PPP2R2B: variants seen among roughly 807,000 people sequenced by gnomAD.
The protein encoded by PPP2R2B is protein phosphatase 2 regulatory subunit Bbeta.
Under a neutral mutation model 46.0 loss-of-function variants are expected in PPP2R2B, and 5 were observed. The observed-to-expected ratio is 0.11, with a 90% CI of 0.06 to 0.23. The LOEUF is 0.23. Ranked by LOEUF, PPP2R2B falls within the 10% of genes least tolerant of loss-of-function variation. PPP2R2B has a pLI of 1.00. For missense variants in PPP2R2B, 367 were observed against 575.0 expected (o/e 0.64, Z 3.70); for synonymous variants, 215 against 206.7 (o/e 1.04, Z -0.34).
intron 2 of PPP2R2B, among the ~76,000 whole-genome samples, chr5:146,839,072 T>C (rs1424442275): frequency 6.6e-6 from 1 of 152,170 alleles, no homozygotes; most frequent in African/African-American, 2.4e-5. Context: ...AACTTCCAAT[T>C]AGAAGCTTGT....
chr5:146,819,234 T>C (rs1398538698), intron 2 of PPP2R2B, among the ~76,000 whole-genome samples: 1 of 152,250 alleles, frequency 6.6e-6, no homozygotes, highest in African/African-American at 2.4e-5. Context: ...CTCCTGCATC[T>C]TCTGTGTTGT....
chr5:146,884,677 G>A (rs1762267773), intron 1 of PPP2R2B, among the ~76,000 whole-genome samples: 1 of 152,138 alleles, frequency 6.6e-6, no homozygotes, highest in South Asian at 2.1e-4. Context: ...ACATCTTCTT[G>A]TACCTCTTAC....
intron 2 of PPP2R2B, among the ~76,000 whole-genome samples, chr5:146,771,704 G>A (rs1754865425): frequency 6.6e-6 from 1 of 152,152 alleles, no homozygotes; most frequent in Non-Finnish European, 1.5e-5. Flanking sequence ...TGACAGACAT[G>A]TGAGAAACTC....
chr5:146,992,691 A>G (rs1170537397), intron 1 of PPP2R2B, among the ~76,000 whole-genome samples: 1 of 152,164 alleles, frequency 6.6e-6, no homozygotes, highest in Admixed American at 6.5e-5. Flanking sequence ...ATTACAACAT[A>G]GTTGGGATAA....
intron 7 of PPP2R2B, among the ~76,000 whole-genome samples, chr5:146,626,448 G>A (rs968287323): frequency 1.2e-4 from 19 of 152,122 alleles, no homozygotes; most frequent in African/African-American, 4.3e-4. Flanking sequence ...TTTATAAATT[G>A]AAAAAATGGA....
chr5:146,990,817 G>C (rs1753665062), intron 1 of PPP2R2B, among the ~76,000 whole-genome samples: 2 of 151,720 alleles, frequency 1.3e-5, no homozygotes, highest in Admixed American at 1.3e-4. Context: ...ATCTGACAAT[G>C]GATTATTATT....
rs141374940 is a variant in PPP2R2B, at chr5:147,031,459, A to G, written c.79+24206T>C. 1.2e-4 allele frequency among the ~76,000 whole-genome samples: 17 copies of G among 141,702 alleles called. No individual in the cohort carries two copies. In the East Asian group the frequency reaches 3.3e-3, roughly 28 times the overall value. The allele number at this position is 141,702 out of a possible 152,430, so 93.0% of individuals were successfully genotyped here. On this transcript the variant is annotated intron_variant, in intron 1 of 8. Coordinates refer to the PPP2R2B transcript ENST00000336640. The stretch of plus-strand genomic sequence containing the variant: ...TGGTTTTCTTTTTAGCAGTTCTACT[A>G]TGATGTGTCTAGGCATTGCTTTTTT...
At chr5:146,707,289 C>G (rs1779922556) in intron 2 of PPP2R2B, 3 of 1,541,974 alleles carry the variant, frequency 1.9e-6, no homozygotes, top group African/African-American at 1.4e-5. Context: ...GGAACCGTAC[C>G]TTGTCGACGA....
chr5:147,000,324 C>A (rs138031452), intron 1 of PPP2R2B, among the ~76,000 whole-genome samples: 48 of 152,162 alleles, frequency 3.2e-4, no homozygotes, highest in African/African-American at 1.2e-3. Context: ...AACTAAATGA[C>A]CCTCTAAGGG....
intron 2 of PPP2R2B, among the ~76,000 whole-genome samples, chr5:146,854,593 A>G (rs1287696399): frequency 1.3e-5 from 2 of 152,170 alleles, no homozygotes; most frequent in Non-Finnish European, 2.9e-5. Context: ...CCAGATTCTA[A>G]TAGATTCAAT....
At chr5:147,041,634 TG>T (rs1352217407) in intron 1 of PPP2R2B, among the ~76,000 whole-genome samples, 1 of 152,060 alleles carries the variant, frequency 6.6e-6, no homozygotes, top group Non-Finnish European at 1.5e-5. Flanking sequence ...TAGAAGGCAC[TG>T]GGGTACTTCC....
At chr5:146,861,062 T>A (rs1485634452) in intron 2 of PPP2R2B, among the ~76,000 whole-genome samples, 10 of 147,504 alleles carry the variant, frequency 6.8e-5, no homozygotes, top group Non-Finnish European at 1.0e-4. Context: ...TTCTTTTTTT[T>A]TTTTTTTTTT....
Position 146,905,846 on chromosome 5 carries a change from G to A in PPP2R2B, c.79+149819C>T, listed in dbSNP as rs139713441. 1.4e-3 allele frequency among the ~76,000 whole-genome samples: 220 copies of A among 152,240 alleles called. 1 individual carries two copies. The highest frequency in any genetic ancestry group is 5.2e-3 in the African/African-American group (214 of 41,530). On this transcript the variant is annotated intron_variant, in intron 1 of 8. Coordinates refer to the PPP2R2B transcript ENST00000336640. ...TGCTAGTGCCCAGTGGTGGTAGGTT[G>A]GGATTGATTTCAAAATAGCAGGAGT...
At chr5:146,917,580 G>C (rs1763438147) in intron 1 of PPP2R2B, among the ~76,000 whole-genome samples, 1 of 152,230 alleles carries the variant, frequency 6.6e-6, no homozygotes, top group Non-Finnish European at 1.5e-5. Context: ...TAATGGTAGA[G>C]TTGGTTCTAG....
At chr5:146,677,313 G>T (rs1468622593) in intron 5 of PPP2R2B, among the ~76,000 whole-genome samples, 1 of 152,180 alleles carries the variant, frequency 6.6e-6, no homozygotes, top group Non-Finnish European at 1.5e-5. Flanking sequence ...GAGAGGAAGT[G>T]AGATCACAGA....
intron 2 of PPP2R2B, among the ~76,000 whole-genome samples, chr5:146,781,776 A>T (rs984610851): frequency 5.9e-5 from 9 of 152,196 alleles, no homozygotes; most frequent in Admixed American, 6.5e-5. Flanking sequence ...TTACAACCAG[A>T]CTAAATCCAA....
chr5:146,616,554 A>G (rs550533248), intron 7 of PPP2R2B, among the ~76,000 whole-genome samples: 3 of 152,360 alleles, frequency 2.0e-5, no homozygotes, highest in African/African-American at 7.2e-5. Flanking sequence ...TCCATTTAAA[A>G]AAATGAGCAA....
intron 2 of PPP2R2B, chr5:146,706,317 C>T (rs1473004340): frequency 3.6e-6 from 2 of 553,998 alleles, no homozygotes; most frequent in Non-Finnish European, 6.7e-6. Context: ...GAACCTGCGC[C>T]AGAGCGAGAG....
intron 2 of PPP2R2B, among the ~76,000 whole-genome samples, chr5:146,743,778 A>G (rs925859927): frequency 6.6e-6 from 1 of 152,214 alleles, no homozygotes; most frequent in Non-Finnish European, 1.5e-5. Context: ...AAACTGTTAC[A>G]CCAAGTCGTA....
Sources: allele counts gnomAD v4.1 joint callset (sites outside exome capture counted in the v4.1 genomes callset), GRCh38; gene constraint gnomAD v4.1.1; transcripts MANE v1.5; gene names NCBI Gene and HGNC (gene_info 2026-07-23, HGNC 2026-07-21).